PCDH11Y: variants seen among roughly 807,000 people sequenced by gnomAD.
PCDH11Y encodes the protein protocadherin 11 Y-linked.
For synonymous variants in PCDH11Y, 9 were observed against 83.6 expected (o/e 0.11, Z 4.87); for missense variants, 12 against 224.8 (o/e 0.05, Z 6.05).
chrY:5,449,694 A>G (rs2053291401), intron 2 of PCDH11Y, among the ~76,000 whole-genome samples: 1 of 33,324 alleles, frequency 3.0e-5, no homozygotes, highest in Non-Finnish European at 7.5e-5. Context: ...CAAAAGGGTG[A>G]AAATGAACTC....
chrY:5,103,063 A>G, downstream of PCDH11Y, among the ~76,000 whole-genome samples: 2 of 33,285 alleles, frequency 6.0e-5, no homozygotes, highest in South Asian at 1.3e-3. Flanking sequence ...TATGCTCTTC[A>G]ATTTGTGTTT....
intron 2 of PCDH11Y, among the ~76,000 whole-genome samples, chrY:5,210,241 G>A (rs2052937465): frequency 3.0e-5 from 1 of 33,016 alleles, no homozygotes; most frequent in Non-Finnish European, 7.4e-5. Flanking sequence ...GCTTATATCC[G>A]GACTTAACTT....
At chrY:5,563,552 T>C in intron 3 of PCDH11Y, among the ~76,000 whole-genome samples, 1 of 33,170 alleles carries the variant, frequency 3.0e-5, no homozygotes, top group African/African-American at 1.2e-4. Flanking sequence ...TCTCAGATAA[T>C]TGGGAAAATT....
chrY:5,154,881 T>A, intron 2 of PCDH11Y, among the ~76,000 whole-genome samples: 1 of 32,826 alleles, frequency 3.0e-5, no homozygotes, highest in African/African-American at 1.2e-4. Flanking sequence ...TATTAACCTA[T>A]GAGTGAAGTT....
rs1602946472 is a variant in PCDH11Y at position 5,584,212 on chromosome Y, T to G, written c.3352+2414T>G. On this transcript the variant is annotated intron_variant, in intron 4 of 4. Transcript: ENST00000400457. ...CATATGATTTTTGTCTTTTAGTCTG[T>G]TGATATGATGAATCACATAGATTGA... is the stretch of plus-strand genomic sequence containing the variant. 7.6e-4 allele frequency among the ~76,000 whole-genome samples: 25 copies of G among 32,917 alleles called. No individual in the cohort carries two copies. The East Asian group carries it at 0.012, about 16-fold the overall frequency. The allele number at this position is 32,917 out of a possible 37,273, so 88.3% of individuals were successfully genotyped here.
chrY:5,659,439 A>G, intron 4 of PCDH11Y, among the ~76,000 whole-genome samples: 1 of 31,812 alleles, frequency 3.1e-5, no homozygotes, highest in African/African-American at 1.2e-4. Context: ...AAACCTTACA[A>G]ATTTAACTAA....
intron 4 of PCDH11Y, among the ~76,000 whole-genome samples, chrY:5,619,040 G>GAAGA (rs2053497348): frequency 3.7e-5 from 1 of 27,299 alleles, no homozygotes; most frequent in African/African-American, 1.4e-4. Context: ...AAGAAAGAAA[G>GAAGA]AAGAAAGAAA....
downstream of PCDH11Y, among the ~76,000 whole-genome samples, chrY:5,102,382 T>C: frequency 3.1e-5 from 1 of 31,906 alleles, no homozygotes; most frequent in Non-Finnish European, 7.7e-5. Context: ...ATGATTTGGG[T>C]ATAATAACAT....
chrY:5,351,237 A>T, intron 2 of PCDH11Y, among the ~76,000 whole-genome samples: 1 of 32,468 alleles, frequency 3.1e-5, no homozygotes, highest in Non-Finnish European at 7.6e-5. Context: ...AATAAATTTT[A>T]AAAAAATCTC....
intron 1 of PCDH11Y, among the ~76,000 whole-genome samples, chrY:5,087,311 T>C: frequency 3.1e-5 from 1 of 32,186 alleles, no homozygotes; most frequent in Non-Finnish European, 7.6e-5. Flanking sequence ...GGCTCCCCTC[T>C]GTTCCAGCAC....
intron 2 of PCDH11Y, among the ~76,000 whole-genome samples, chrY:5,409,660 C>A (rs2053244133): frequency 3.0e-5 from 1 of 32,941 alleles, no homozygotes; most frequent in African/African-American, 1.2e-4. Flanking sequence ...CCTTGCTGGA[C>A]TCTCGTTATT....
At chrY:5,445,683 G>A in intron 2 of PCDH11Y, among the ~76,000 whole-genome samples, 4 of 32,029 alleles carry the variant, frequency 1.2e-4, no homozygotes, top group Admixed American at 3.0e-4. Flanking sequence ...TTTTGGTTTC[G>A]TTGGGAAAAA....
chrY:5,446,875 A>G, intron 2 of PCDH11Y, among the ~76,000 whole-genome samples: 1 of 33,478 alleles, frequency 3.0e-5, no homozygotes, highest in East Asian at 7.9e-4. Flanking sequence ...AAACAGCAGC[A>G]GCAGCAACAG....
chrY:5,413,108 A>G (rs1602921943), intron 2 of PCDH11Y, among the ~76,000 whole-genome samples: 4 of 33,372 alleles, frequency 1.2e-4, no homozygotes. Context: ...AACCAGTTAC[A>G]GGGACAAGGC....
chrY:5,586,524 T>C (rs2053456379), intron 4 of PCDH11Y, among the ~76,000 whole-genome samples: 1 of 31,806 alleles, frequency 3.1e-5, no homozygotes, highest in Non-Finnish European at 7.7e-5. Flanking sequence ...TGTTTGTTTT[T>C]TTTTTTAGAT....
At chrY:5,421,172 G>A (rs2053258069) in intron 2 of PCDH11Y, among the ~76,000 whole-genome samples, 1 of 31,780 alleles carries the variant, frequency 3.1e-5, no homozygotes, top group Non-Finnish European at 7.7e-5. Flanking sequence ...CCTGGAAGGT[G>A]GAGGTTGCAG....
intron 4 of PCDH11Y, among the ~76,000 whole-genome samples, chrY:5,734,320 C>A: frequency 3.1e-5 from 1 of 32,436 alleles, no homozygotes; most frequent in African/African-American, 1.2e-4. Flanking sequence ...AGCAAGTGGG[C>A]GCTCCAGATG....
At chrY:5,243,310 C>G in intron 2 of PCDH11Y, among the ~76,000 whole-genome samples, 3 of 33,585 alleles carry the variant, frequency 8.9e-5, no homozygotes, top group African/African-American at 2.4e-4. Context: ...CATGTGTACA[C>G]ACACACATAC....
chrY:5,445,527 C>G, intron 2 of PCDH11Y, among the ~76,000 whole-genome samples: 1 of 28,505 alleles, frequency 3.5e-5, no homozygotes, highest in Non-Finnish European at 8.3e-5. Context: ...TTTCCTCCTC[C>G]TCCTCCTCCT....
Sources: allele counts gnomAD v4.1 joint callset (sites outside exome capture counted in the v4.1 genomes callset), GRCh38; gene constraint gnomAD v4.1.1; transcripts MANE v1.5; gene names NCBI Gene and HGNC (gene_info 2026-07-23, HGNC 2026-07-21).